The following MCPH1 variants were observed in gnomAD, a reference collection of about 807,000 sequenced individuals.
MCPH1 encodes microcephalin.
Under a neutral mutation model 84.5 loss-of-function variants are expected in MCPH1, and 104 were observed. The observed-to-expected ratio is 1.23, with a 90% confidence interval of 1.05 to 1.45. The LOEUF is 1.45. Among genes scored for constraint, MCPH1 ranks in the 40% most tolerant of loss-of-function variants. MCPH1 has a pLI of 0.00. For missense variants in MCPH1, 1,498 were observed against 1,005.7 expected (o/e 1.49, Z -6.62); for synonymous variants, 514 against 366.8 (o/e 1.40, Z -4.58).
At chr8:6,588,008 G>A (rs948800628) in intron 12 of MCPH1, among the ~76,000 whole-genome samples, 2 of 152,214 alleles carry the variant, frequency 1.3e-5, no homozygotes, top group African/African-American at 4.8e-5. Flanking sequence ...GTCTTAAGCT[G>A]TCTGAAGTCA....
intron 12 of MCPH1, among the ~76,000 whole-genome samples, chr8:6,559,230 A>ACAC (rs113856995): frequency 6.8e-6 from 1 of 146,726 alleles, no homozygotes; most frequent in African/African-American, 2.5e-5. Context: ...CACACACGAC[A>ACAC]ACACACACAC....
intron 11 of MCPH1, among the ~76,000 whole-genome samples, chr8:6,496,875 TCCCCA>T: frequency 1.3e-5 from 2 of 152,242 alleles, no homozygotes; most frequent in Middle Eastern, 3.4e-3. Flanking sequence ...CAGATTGCCT[TCCCCA>T]CCCCACCCCC....
At chr8:6,573,373 G>A (rs1429607942) in intron 12 of MCPH1, among the ~76,000 whole-genome samples, 1 of 152,038 alleles carries the variant, frequency 6.6e-6, no homozygotes, top group Non-Finnish European at 1.5e-5. Flanking sequence ...TGTTAAAGAG[G>A]GGTGATCAAT....
chr8:6,557,698 CA>C, intron 12 of MCPH1, among the ~76,000 whole-genome samples: 1 of 151,504 alleles, frequency 6.6e-6, no homozygotes, highest in African/African-American at 2.4e-5. Flanking sequence ...TACACACACA[CA>C]CACACACACA....
rs140898533 is a variant in MCPH1 at position 6,639,460 on chromosome 8, A to G, written c.2453-3534A>G. On this transcript the variant is annotated intron_variant, in intron 13 of 13. Coordinates refer to ENST00000344683, the MANE Select transcript of MCPH1 (RefSeq NM_024596.5). ...TGGACTGCTTGATGCCGGGAGTTTG[A>G]GACCAGCCTTGGCAACATAGAAAGA... Among the ~76,000 whole-genome samples the G allele has an allele frequency of 8.3e-4, 126 of 152,292 alleles. 1 individual carries two copies. Among genetic ancestry groups the G allele is most frequent in the African/African-American group, 3.0e-3 (123 of 41,550 alleles).
intron 3 of MCPH1, among the ~76,000 whole-genome samples, chr8:6,426,088 C>G (rs1053852208): frequency 1.3e-5 from 2 of 152,208 alleles, no homozygotes; most frequent in Non-Finnish European, 2.9e-5. Flanking sequence ...TTTCCTTCCT[C>G]GTTCTCTTCC....
At chr8:6,441,461 A>G (rs1050517896) in intron 6 of MCPH1, among the ~76,000 whole-genome samples, 1 of 152,212 alleles carries the variant, frequency 6.6e-6, no homozygotes, top group African/African-American at 2.4e-5. Flanking sequence ...ATCTTTGGAT[A>G]TAAGATCCAA....
intron 8 of MCPH1, among the ~76,000 whole-genome samples, chr8:6,451,851 G>A (rs1805130301): frequency 6.6e-6 from 1 of 152,144 alleles, no homozygotes; most frequent in African/African-American, 2.4e-5. Context: ...TAAAATTATG[G>A]ATTATTCAGC....
At chr8:6,517,888 C>T (rs1481428973) in intron 12 of MCPH1, among the ~76,000 whole-genome samples, 3 of 152,154 alleles carry the variant, frequency 2.0e-5, no homozygotes, top group African/African-American at 7.2e-5. Context: ...ACAATTGACA[C>T]CACTTATTTT....
At chr8:6,591,554 A>C (rs927890427) in intron 12 of MCPH1, among the ~76,000 whole-genome samples, 4 of 152,232 alleles carry the variant, frequency 2.6e-5, no homozygotes, top group African/African-American at 7.2e-5. Flanking sequence ...CCTGAAATGC[A>C]AGAGTATCCT....
At chr8:6,522,375 G>A (rs1337934914) in intron 12 of MCPH1, among the ~76,000 whole-genome samples, 3 of 149,876 alleles carry the variant, frequency 2.0e-5, no homozygotes, top group Non-Finnish European at 3.0e-5. Flanking sequence ...AAAAAAAAAT[G>A]TAAACGCTTA....
chr8:6,542,314 CTGTG>C (rs373716411), intron 12 of MCPH1, among the ~76,000 whole-genome samples: 2 of 150,680 alleles, frequency 1.3e-5, no homozygotes, highest in Non-Finnish European at 3.0e-5. Flanking sequence ...GTGTGTGTAT[CTGTG>C]TGTGTGTGTA....
rs903947325 is a variant in MCPH1, at chr8:6,442,880, A to C, written c.670+724A>C. ...ATGGCATCAAGATATTAGAAGTTTC[A>C]AACAAAGCCTCCTTTCAGCGCAGGG... On this transcript the variant is annotated intron_variant, in intron 7 of 13. Coordinates refer to ENST00000344683, the MANE Select transcript of MCPH1 (RefSeq NM_024596.5). Among the ~76,000 whole-genome samples, 19 of 152,362 alleles carry C rather than the reference A, an allele frequency of 1.2e-4. 1 individual carries two copies. The highest frequency in any genetic ancestry group is 4.3e-4 in the African/African-American group (18 of 41,590).
chr8:6,605,205 G>A (rs1338292096), intron 12 of MCPH1, among the ~76,000 whole-genome samples: 1 of 152,104 alleles, frequency 6.6e-6, no homozygotes, highest in African/African-American at 2.4e-5. Flanking sequence ...ACTCATGTTG[G>A]GGGAATTTTA....
At chr8:6,627,354 C>G in intron 13 of MCPH1, 2 of 921,490 alleles carry the variant, frequency 2.2e-6, no homozygotes, top group Non-Finnish European at 2.6e-6. Flanking sequence ...GGGACTGCCC[C>G]CTTCCAGCCC....
chr8:6,531,723 A>G (rs144734221), intron 12 of MCPH1, among the ~76,000 whole-genome samples: 177 of 152,336 alleles, frequency 1.2e-3, no homozygotes, highest in African/African-American at 4.1e-3. Flanking sequence ...AGAAAAGGTG[A>G]GTGCCTCATT....
intron 12 of MCPH1, among the ~76,000 whole-genome samples, chr8:6,569,847 C>G (rs1453288915): frequency 6.6e-6 from 1 of 152,228 alleles, no homozygotes. Context: ...AGCCATTTCA[C>G]TGCCAGAGAC....
chr8:6,524,018 C>T (rs1255301922), intron 12 of MCPH1, among the ~76,000 whole-genome samples: 1 of 152,002 alleles, frequency 6.6e-6, no homozygotes, highest in Non-Finnish European at 1.5e-5. Flanking sequence ...TCAATATCTT[C>T]ATTTTGTTTG....
At chr8:6,559,154 C>G (rs945553908) in intron 12 of MCPH1, among the ~76,000 whole-genome samples, 2 of 151,978 alleles carry the variant, frequency 1.3e-5, no homozygotes, top group South Asian at 2.1e-4. Flanking sequence ...TTTCTTTCCT[C>G]TAATGAACCA....
Sources: gnomAD v4.1 joint callset for allele counts (sites outside exome capture counted in the v4.1 genomes callset) on GRCh38, gnomAD v4.1.1 for gene constraint, MANE v1.5 for transcripts, NCBI Gene and HGNC (gene_info 2026-07-23, HGNC 2026-07-21) for gene names.